The following FOXP1 variants were observed in gnomAD, a reference collection of about 807,000 sequenced individuals.
The protein encoded by FOXP1 is forkhead box P1, also known as forkhead box protein P1.
A neutral mutation model predicts 98.2 loss-of-function variants in FOXP1; 15 were observed. That is an observed-to-expected ratio of 0.15 (90% CI 0.10 to 0.24). The LOEUF (loss-of-function observed/expected upper bound fraction) is 0.24, where lower values mean the gene tolerates loss of function less well. FOXP1 is among the 10% of genes least tolerant of loss of function. The pLI is 1.00. For synonymous variants in FOXP1, 371 were observed against 314.5 expected, an observed-to-expected ratio of 1.18 and a Z score of -1.90; for missense variants, 633 against 848.5, an observed-to-expected ratio of 0.75 and a Z score of 3.15.
Position 71,345,871 on chromosome 3 carries a change from T to TA in FOXP1, c.-73+13278dup, listed in dbSNP as rs71120316. On this transcript the variant is annotated intron_variant, in intron 4 of 20. Coordinates refer to ENST00000649528, the MANE Select transcript of FOXP1 (RefSeq NM_001349338.3). ...AGGTTTGAAATCAATAAAGTTTTTG[T>TA]AAAAAAAAAAAAAAAAAAAAAAAAA... Among the ~76,000 whole-genome samples the TA allele has an allele frequency of 9.3e-3, 510 of 55,084 alleles. 28 individuals are homozygous for TA. The highest frequency in any genetic ancestry group is 0.028 in the African/African-American group (458 of 16,270). The allele number at this position is 55,084 out of a possible 152,430, so 36.1% of individuals were successfully genotyped here. A position where few individuals can be genotyped will look rare whatever the true frequency, so the allele number is the denominator to read the frequency against.
At chr3:71,464,725 G>A (rs775245357) in intron 3 of FOXP1, among the ~76,000 whole-genome samples, 68 of 152,200 alleles carry the variant, frequency 4.5e-4, no homozygotes, top group Non-Finnish European at 8.2e-4. Context: ...TCTGATTTCC[G>A]CTCAACAGTC....
intron 2 of FOXP1, among the ~76,000 whole-genome samples, chr3:71,501,360 T>G (rs532944872): frequency 6.7e-6 from 1 of 148,912 alleles, no homozygotes; most frequent in Non-Finnish European, 1.5e-5. Flanking sequence ...AGTGGTGCCA[T>G]CTCGGCTCAC....
chr3:71,205,892 T>G (rs1049355869), intron 5 of FOXP1, among the ~76,000 whole-genome samples: 5 of 152,200 alleles, frequency 3.3e-5, no homozygotes, highest in African/African-American at 1.2e-4. Flanking sequence ...TTATTTTCAA[T>G]AATGTAATAC....
intron 3 of FOXP1, among the ~76,000 whole-genome samples, chr3:71,362,335 C>A (rs2078629002): frequency 6.6e-6 from 1 of 152,052 alleles, no homozygotes; most frequent in African/African-American, 2.4e-5. Flanking sequence ...TAATGCCCAG[C>A]TAATTTTTTG....
chr3:70,970,915 C>A, intron 18 of FOXP1, 110 bp from the exon 19 acceptor site: 1 of 831,068 alleles, frequency 1.2e-6, no homozygotes, highest in African/African-American at 1.7e-5. Context: ...CAATTTCCCC[C>A]ACTAGCAAAA....
chr3:70,997,264 T>C (rs2041511735), intron 13 of FOXP1, among the ~76,000 whole-genome samples: 1 of 152,216 alleles, frequency 6.6e-6, no homozygotes, highest in Non-Finnish European at 1.5e-5. Context: ...GCCCCAATAA[T>C]TCAGGTTCTA....
At chr3:71,348,516 T>C (rs1229437118) in intron 4 of FOXP1, among the ~76,000 whole-genome samples, 2 of 47,580 alleles carry the variant, frequency 4.2e-5, no homozygotes, top group Non-Finnish European at 9.4e-5. Context: ...AGTGTGTGTG[T>C]GTGTGCGTGT....
intron 13 of FOXP1, among the ~76,000 whole-genome samples, chr3:70,990,235 T>A (rs1559656823): frequency 6.6e-6 from 1 of 152,162 alleles, no homozygotes; most frequent in Non-Finnish European, 1.5e-5. Context: ...CTTGAATGAG[T>A]TTTAGACTTT....
chr3:71,251,903 C>T (rs1167604406), intron 5 of FOXP1, among the ~76,000 whole-genome samples: 1 of 152,108 alleles, frequency 6.6e-6, no homozygotes, highest in Non-Finnish European at 1.5e-5. Context: ...GATGGCAACC[C>T]AACAGCCAAT....
At chr3:71,189,913 G>C (rs569517070) in intron 6 of FOXP1, among the ~76,000 whole-genome samples, 1 of 152,318 alleles carries the variant, frequency 6.6e-6, no homozygotes, top group South Asian at 2.1e-4. Context: ...TCAGATGGAG[G>C]AGGAGATGTT....
At chr3:71,152,408 T>C (rs537121604) in intron 6 of FOXP1, among the ~76,000 whole-genome samples, 1 of 152,302 alleles carries the variant, frequency 6.6e-6, no homozygotes, top group African/African-American at 2.4e-5. Flanking sequence ...ATGACAGATA[T>C]GTGTTGTTTG....
chr3:71,128,334 A>C (rs1413645398), intron 6 of FOXP1, among the ~76,000 whole-genome samples: 3 of 152,106 alleles, frequency 2.0e-5, no homozygotes, highest in Non-Finnish European at 4.4e-5. Context: ...GCAAATTTTA[A>C]ATCTAAATTT....
intron 14 of FOXP1, among the ~76,000 whole-genome samples, chr3:70,987,031 T>C (rs750582404): frequency 5.2e-4 from 79 of 152,364 alleles, no homozygotes; most frequent in Non-Finnish European, 8.4e-4. Context: ...CGCTGCATCA[T>C]TGCATATTGA....
At chr3:71,381,335 A>G (rs1340786814) in intron 3 of FOXP1, among the ~76,000 whole-genome samples, 6 of 151,434 alleles carry the variant, frequency 4.0e-5, no homozygotes, top group Non-Finnish European at 7.4e-5. Flanking sequence ...CATTTTTAGT[A>G]GAGACGGGGT....
intron 6 of FOXP1, among the ~76,000 whole-genome samples, chr3:71,136,850 A>G (rs1304686510): frequency 3.3e-5 from 5 of 152,110 alleles, no homozygotes; most frequent in African/African-American, 4.8e-5. Flanking sequence ...GGAAAAAAGT[A>G]TATATGTACA....
chr3:71,497,231 T>A (rs978335697), intron 2 of FOXP1, among the ~76,000 whole-genome samples: 3 of 152,014 alleles, frequency 2.0e-5, no homozygotes, highest in Non-Finnish European at 4.4e-5. Context: ...CTAGAAAAAC[T>A]ATCTCTTAAA....
At chr3:71,230,530 T>G (rs1199532353) in intron 5 of FOXP1, among the ~76,000 whole-genome samples, 3 of 152,336 alleles carry the variant, frequency 2.0e-5, no homozygotes, top group African/African-American at 7.2e-5. Context: ...GATAGTATTT[T>G]AAAGTGCAAA....
In FOXP1 at chr3:70,965,882, A is replaced by G. The variant is rs761406403; in HGVS notation, c.1889+8T>C. ...ATAGCAAAGACCTGTTGGGTGGACAATACTCACACGGCTTGCATAGGAGAT... is the reference window on the plus strand; with the variant it reads ...ATAGCAAAGACCTGTTGGGTGGACAGTACTCACACGGCTTGCATAGGAGAT... On this transcript the variant is annotated splice_region_variant and intron_variant, in intron 20 of 20. Transcript: ENST00000649528. The G allele has an allele frequency of 8.1e-6, 13 of 1,613,550 alleles. No homozygotes were observed. The highest frequency in any genetic ancestry group is 6.6e-5 in the South Asian group (6 of 91,064).
intron 4 of FOXP1, among the ~76,000 whole-genome samples, chr3:71,348,456 T>A (rs1345254201): frequency 6.6e-6 from 1 of 151,972 alleles, no homozygotes; most frequent in Non-Finnish European, 1.5e-5. Flanking sequence ...CACCCACTAG[T>A]CTTCAACAAA....
Sources: gnomAD v4.1 joint callset for allele counts (sites outside exome capture counted in the v4.1 genomes callset) on GRCh38, gnomAD v4.1.1 for gene constraint, MANE v1.5 for transcripts, NCBI Gene and HGNC (gene_info 2026-07-23, HGNC 2026-07-21) for gene names.